Variants in ATP1A4 observed in about 807,000 individuals in gnomAD.
ATP1A4 encodes sodium/potassium-transporting ATPase subunit alpha-4.
ATP1A4 carries 90 observed loss-of-function variants against 114.3 expected under a neutral mutation model. The ratio of observed to expected loss-of-function variants is 0.79; its 90% confidence interval spans 0.66 to 0.94. The LOEUF (loss-of-function observed/expected upper bound fraction) is 0.94. Among genes scored for constraint, ATP1A4 ranks in the 40% least tolerant of loss-of-function variants. The pLI is 0.00. For synonymous variants in ATP1A4, 511 were observed against 494.1 expected, an observed-to-expected ratio of 1.03 and a Z score of -0.45; for missense variants, 1,222 against 1,313.6, an observed-to-expected ratio of 0.93 and a Z score of 1.08.
chr1:160,165,998 G>A (rs536532917), intron 7 of ATP1A4, among the ~76,000 whole-genome samples: 12 of 152,202 alleles, frequency 7.9e-5, no homozygotes, highest in East Asian at 1.9e-4. Flanking sequence ...GGCCAGGCAC[G>A]GTGGCTCACA....
In ATP1A4 at chr1:160,156,170, G is replaced by C. The variant is rs1330387801; in HGVS notation, c.525+12G>C. 6.4e-7 allele frequency: 1 copy of C among 1,562,524 alleles called. No homozygotes were observed. The highest frequency in any genetic ancestry group is 8.8e-7 in the Non-Finnish European group (1 of 1,133,286). ...ACATGGTGCCTCAGGTAGGATTGGA[G>C]TGGGAGGATCTAGTGGGAGCAGGAG... On this transcript the variant is annotated intron_variant, in intron 4 of 21. Transcript: ENST00000368081.
intron 13 of ATP1A4, 127 bp from the exon 14 acceptor site, chr1:160,173,984 G>T (rs1350565339): frequency 3.2e-6 from 4 of 1,234,946 alleles, no homozygotes; most frequent in Admixed American, 4.9e-5. Context: ...GGACAATATA[G>T]GGCTAGGGAC....
chr1:160,175,959 C>T, intron 15 of ATP1A4, 133 bp from the exon 16 acceptor site: 1 of 840,714 alleles, frequency 1.2e-6, no homozygotes, highest in South Asian at 1.6e-5. Context: ...TACTGGGACC[C>T]TGGAGGTCTA....
intron 8 of ATP1A4, 86 bp from the exon 9 acceptor site, chr1:160,166,882 G>T: frequency 6.6e-7 from 1 of 1,506,058 alleles, no homozygotes; most frequent in Non-Finnish European, 9.2e-7. Context: ...CTCCTGTGAA[G>T]TATCTGGGTG....
At chr1:160,168,373 G>C (rs1653115264) in intron 10 of ATP1A4, among the ~76,000 whole-genome samples, 1 of 109,946 alleles carries the variant, frequency 9.1e-6, no homozygotes, top group African/African-American at 3.1e-5. Flanking sequence ...AAGTCTGCTG[G>C]TATCTTTTTT....
chr1:160,186,265 G>A lies in ATP1A4; in HGVS notation c.2970-11G>A. On this transcript the variant is annotated splice_polypyrimidine_tract_variant and intron_variant, in intron 20 of 21. Coordinates refer to ENST00000368081, the MANE Select transcript of ATP1A4 (RefSeq NM_144699.4). ...TCTCCTGCCATGCTGACTGGCTCTT[G>A]CTCTCTACAGGATAACCTGGTGGCT... is the stretch of plus-strand genomic sequence containing the variant. The A allele has an allele frequency of 6.3e-7, 1 of 1,594,840 alleles. No individual in the cohort carries two copies. Among genetic ancestry groups the A allele is most frequent in the Non-Finnish European group, 8.6e-7 (1 of 1,164,028 alleles).
chr1:160,176,577 C>T lies in ATP1A4; in HGVS notation c.2565C>T (p.Leu855=), dbSNP rs1203264781. 1 of 1,614,058 alleles carries T rather than the reference C, an allele frequency of 6.2e-7. No homozygotes were observed. The highest frequency in any genetic ancestry group is 2.2e-5 in the East Asian group (1 of 44,896). ...PKTDNLVNHR[L]IGMAYGQIGM... The stretch of plus-strand genomic sequence containing the variant: ...CGGATAATCTGGTGAACCACCGTCT[C>T]ATTGGCATGGCCTATGGACAGATTG... Residue 855 remains leucine, a synonymous_variant, in exon 17 of 22, where the codon CTC becomes CTT. Coordinates refer to ENST00000368081, the MANE Select transcript of ATP1A4 (RefSeq NM_144699.4).
chr1:160,186,156 C>A, intron 20 of ATP1A4, 120 bp from the exon 21 acceptor site: 3 of 707,230 alleles, frequency 4.2e-6, no homozygotes, highest in Middle Eastern at 6.1e-4. Flanking sequence ...GCACCCAGCA[C>A]AGTCCCACGC....
chr1:160,158,881 G>A (rs4656888), intron 4 of ATP1A4, 121 bp from the exon 5 acceptor site: 489,213 of 1,059,060 alleles, frequency 0.46, 117,624 homozygotes, highest in Admixed American at 0.52. Context: ...GAATGATGTG[G>A]TGGGTGACAG....
Position 160,155,944 on chromosome 1 carries a change from T to C in ATP1A4, c.412-101T>C, listed in dbSNP as rs1051194882. On this transcript the variant is annotated intron_variant, in intron 3 of 21. Coordinates refer to ENST00000368081, the MANE Select transcript of ATP1A4 (RefSeq NM_144699.4). ...GCTCTCAACTCAGTCTTACGGTCTC[T>C]TACACCTGGTGAAACTGCTGTGCCC... is the stretch of plus-strand genomic sequence containing the variant. The C allele has an allele frequency of 8.2e-6, 6 of 735,720 alleles. No homozygotes were observed. In the Admixed American group the frequency reaches 9.9e-5, roughly 12 times the overall value. The allele number at this position is 735,720 out of a possible 1,614,324, so 45.6% of individuals were successfully genotyped here.
intron 2 of ATP1A4, among the ~76,000 whole-genome samples, chr1:160,154,484 T>A (rs905920129): frequency 2.0e-5 from 3 of 152,202 alleles, no homozygotes; most frequent in Non-Finnish European, 4.4e-5. Context: ...ACCCATAACC[T>A]CAAACATTTA....
chr1:160,164,036 T>C, intron 6 of ATP1A4, 120 bp from the exon 7 acceptor site: 1 of 1,277,352 alleles, frequency 7.8e-7, no homozygotes, highest in Non-Finnish European at 1.1e-6. Context: ...AAGATTCTCC[T>C]AGCACCCCTA....
rs762637659 is a variant in ATP1A4 at position 160,171,431 on chromosome 1, C to T, written c.1672C>T (p.Arg558Cys). 100 of 1,613,768 alleles carry T rather than the reference C, an allele frequency of 6.2e-5. No individual in the cohort carries two copies. Among genetic ancestry groups the T allele is most frequent in the African/African-American group, 1.1e-4 (8 of 74,888 alleles). Residue 558 changes from arginine to cysteine, a missense_variant, in exon 11 of 22, where the codon CGT (arginine) becomes TGT (cysteine). By Grantham distance (180) the Arg-to-Cys change is radical. Transcript: ENST00000368081. ...CTTAGAACTGGGAGGTCTGGGGGAA[C>T]GTGTGCTAGGTGAGGAGCTTTGGGA... Reference protein sequence around the residue: ...AYLELGGLGERVLGFCFLNLP... With the variant: ...AYLELGGLGECVLGFCFLNLP...
chr1:160,171,553 G>A, intron 11 of ATP1A4, 32 bp from the exon 12 acceptor site: 1 of 1,606,898 alleles, frequency 6.2e-7, no homozygotes, highest in Non-Finnish European at 8.5e-7. Flanking sequence ...AGTGCTGGAT[G>A]ACTACTGGTC....
rs781755275 is a variant in ATP1A4, at chr1:160,159,001, G to A, written c.526-1G>A. The stretch of plus-strand genomic sequence containing the variant: ...AATGATCCTGCACTATCCTCTCATA[G>A]CAAGCTCTGGTAATTCGAGGAGGAG... On this transcript the variant is annotated splice_acceptor_variant, in intron 4 of 21. Coordinates refer to ENST00000368081, the MANE Select transcript of ATP1A4 (RefSeq NM_144699.4). LOFTEE classifies it high-confidence loss of function. 6.2e-7 allele frequency: 1 copy of A among 1,613,540 alleles called. No individual in the cohort carries two copies. The highest frequency in any genetic ancestry group is 8.5e-7 in the Non-Finnish European group (1 of 1,179,662).
intron 20 of ATP1A4, chr1:160,182,645 T>C (rs1653746606): frequency 6.5e-6 from 1 of 152,856 alleles, no homozygotes; most frequent in South Asian, 2.1e-4. Flanking sequence ...ATTTAGTATG[T>C]ATTCTTCCAA....
Position 160,155,233 on chromosome 1 carries a change from G to A in ATP1A4, c.396G>A (p.Glu132=). ...GCATCCAGATATATTTCAATGAGGA[G>A]CCTACCAAAGACAACGTGAGTCTCT... ...AYSIQIYFNE[E]PTKDNLYLSI... The change falls in exon 3 of 22, where the codon GAG becomes GAA. Residue 132 remains glutamate, a synonymous_variant. Transcript: ENST00000368081. 9 of 1,613,338 alleles carry A rather than the reference G, an allele frequency of 5.6e-6. No homozygotes were observed. Among genetic ancestry groups the A allele is most frequent in the Non-Finnish European group, 7.6e-6 (9 of 1,179,778 alleles).
chr1:160,159,500 G>C lies in ATP1A4; in HGVS notation c.752G>C (p.Cys251Ser), dbSNP rs774137266. The C allele has an allele frequency of 4.9e-5, 79 of 1,613,494 alleles. No homozygotes were observed. The highest frequency in any genetic ancestry group is 6.5e-5 in the Non-Finnish European group (77 of 1,179,810). ...AACCCTCTGGAGACCCGAAACATCT[G>C]CTTCTTTTCCACCAACTGTGTGGAA... ...HENPLETRNI[C>S]FFSTNCVEGT... Residue 251 changes from cysteine (C) to serine (S), a missense_variant, in exon 6 of 22, where the codon TGC becomes TCC. Physicochemically the swap from Cys to Ser is moderately radical, Grantham distance 112. Transcript: ENST00000368081.
rs576241889 is a variant in ATP1A4, at chr1:160,186,893, A to T, written c.*194A>T. ...TGGGCTGAAGGGAAGCCCAGCCTGCATCTAGCTGGAGCCCCGCAGGGAGGG... is the reference window on the plus strand; with the variant it reads ...TGGGCTGAAGGGAAGCCCAGCCTGCTTCTAGCTGGAGCCCCGCAGGGAGGG... On this transcript the variant is annotated 3_prime_UTR_variant, in exon 22 of 22. Coordinates refer to ENST00000368081, the MANE Select transcript of ATP1A4 (RefSeq NM_144699.4). 107 of 662,894 alleles carry T rather than the reference A, an allele frequency of 1.6e-4. 1 individual carries two copies. The highest frequency in any genetic ancestry group is 1.5e-3 in the South Asian group (85 of 56,376). The allele number at this position is 662,894 out of a possible 1,614,324, so 41.1% of individuals were successfully genotyped here. A position where few individuals can be genotyped will look rare whatever the true frequency, so the allele number is the denominator to read the frequency against.
Sources: gnomAD v4.1 joint callset for allele counts (sites outside exome capture counted in the v4.1 genomes callset) on GRCh38, gnomAD v4.1.1 for gene constraint, MANE v1.5 for transcripts, NCBI Gene and HGNC (gene_info 2026-07-23, HGNC 2026-07-21) for gene names.